The following HYCC1 variants were observed in gnomAD, a reference collection of about 807,000 sequenced individuals.
HYCC1 encodes hyccin PI4KA lipid kinase complex subunit 1.
At chr7:22,989,888 A>G in the HYCC1 span, among the ~76,000 whole-genome samples, 53,363 of 151,998 alleles carry the variant, frequency 0.35, 9,426 homozygotes, top group East Asian at 0.47. Flanking sequence ...AAAATGTCAT[A>G]ACAATCTCCT....
At chr7:22,995,724 T>G in the HYCC1 span, among the ~76,000 whole-genome samples, 1 of 152,276 alleles carries the variant, frequency 6.6e-6, no homozygotes, top group Admixed American at 6.5e-5. Flanking sequence ...CAGTAACAGA[T>G]GTAGACACTA....
At chr7:22,970,146 G>A in the HYCC1 span, among the ~76,000 whole-genome samples, 20 of 152,108 alleles carry the variant, frequency 1.3e-4, no homozygotes, top group African/African-American at 4.3e-4. Flanking sequence ...AAAATTCCAG[G>A]TTCTCTCATT....
At chr7:22,896,954 G>A in the HYCC1 span, among the ~76,000 whole-genome samples, 1 of 151,730 alleles carries the variant, frequency 6.6e-6, no homozygotes, top group African/African-American at 2.4e-5. Context: ...AACAATCAAT[G>A]GGAGAACAAA....
the HYCC1 span, among the ~76,000 whole-genome samples, chr7:22,973,284 T>G: frequency 1.4e-4 from 22 of 152,208 alleles, no homozygotes; most frequent in African/African-American, 5.3e-4. Context: ...AGGCTTAACA[T>G]GATTAACAAA....
chr7:22,904,447 T>G, the HYCC1 span, among the ~76,000 whole-genome samples: 1 of 145,660 alleles, frequency 6.9e-6, no homozygotes, highest in Admixed American at 6.9e-5. Flanking sequence ...AAAAAAAAAG[T>G]AATAATAATA....
the HYCC1 span, among the ~76,000 whole-genome samples, chr7:22,950,115 C>T: frequency 6.6e-6 from 1 of 152,044 alleles, no homozygotes; most frequent in African/African-American, 2.4e-5. Flanking sequence ...ACATTCCCAC[C>T]CACACTGTCT....
At chr7:22,952,530 A>C in the HYCC1 span, among the ~76,000 whole-genome samples, 1 of 152,012 alleles carries the variant, frequency 6.6e-6, no homozygotes, top group Non-Finnish European at 1.5e-5. Flanking sequence ...GTGAGGTCAA[A>C]GCAGTAGTCA....
At chr7:22,947,263 A>AT in the HYCC1 span, 1 of 1,543,832 alleles carries the variant, frequency 6.5e-7, no homozygotes, top group Non-Finnish European at 8.8e-7. Flanking sequence ...ATTGAAGATG[A>AT]TAAGACAAAA....
the HYCC1 span, among the ~76,000 whole-genome samples, chr7:22,956,397 A>G: frequency 6.6e-6 from 1 of 151,910 alleles, no homozygotes; most frequent in Non-Finnish European, 1.5e-5. Context: ...TGAAGTCATT[A>G]GAATTTTCTC....
At chr7:22,953,525 A>AT in the HYCC1 span, among the ~76,000 whole-genome samples, 3 of 151,902 alleles carry the variant, frequency 2.0e-5, no homozygotes, top group Non-Finnish European at 2.9e-5. Context: ...ATAAAATGAG[A>AT]TTTTTTGTTT....
the HYCC1 span, among the ~76,000 whole-genome samples, chr7:22,956,487 T>C: frequency 6.6e-6 from 1 of 151,842 alleles, no homozygotes. Context: ...TAACTTAAAC[T>C]GAAAAGTGGG....
chr7:22,997,571 T>C, the HYCC1 span, among the ~76,000 whole-genome samples: 4 of 152,182 alleles, frequency 2.6e-5, no homozygotes, highest in Admixed American at 6.5e-5. Context: ...ATGTTCAGAT[T>C]ATGTTACAGA....
the HYCC1 span, chr7:22,960,524 TCC>T: frequency 1.5e-5 from 13 of 851,480 alleles, no homozygotes; most frequent in East Asian, 3.3e-4. Flanking sequence ...AAGAGGCTCT[TCC>T]CAAGCATTTT....
At chr7:22,908,855 T>G in the HYCC1 span, among the ~76,000 whole-genome samples, 1 of 152,194 alleles carries the variant, frequency 6.6e-6, no homozygotes, top group Non-Finnish European at 1.5e-5. Context: ...TACTATGCAG[T>G]ATCAGCTTGA....
chr7:22,976,176 T>G, the HYCC1 span: 1 of 1,277,044 alleles, frequency 7.8e-7, no homozygotes, highest in Admixed American at 1.7e-5. Context: ...GATTCATATA[T>G]TTCAATATTA....
chr7:22,945,288 G>C, the HYCC1 span: 26 of 435,988 alleles, frequency 6.0e-5, no homozygotes, highest in Non-Finnish European at 9.2e-5. Flanking sequence ...TAACCAACTT[G>C]ATTAGACAAC....
At chr7:22,914,696 T>C in the HYCC1 span, among the ~76,000 whole-genome samples, 2 of 152,116 alleles carry the variant, frequency 1.3e-5, no homozygotes, top group South Asian at 4.1e-4. Flanking sequence ...CTTCTTTCTC[T>C]CCTGTTCCTT....
the HYCC1 span, among the ~76,000 whole-genome samples, chr7:22,963,420 T>C: frequency 1.3e-5 from 2 of 152,098 alleles, no homozygotes; most frequent in East Asian, 3.9e-4. Flanking sequence ...AGATGAAAAA[T>C]GCCTTCAGTG....
At chr7:22,958,022 AC>A in the HYCC1 span, among the ~76,000 whole-genome samples, 14 of 151,636 alleles carry the variant, frequency 9.2e-5, no homozygotes, top group Non-Finnish European at 1.3e-4. Context: ...TTATATATAA[AC>A]AAAATTAAAT....
Sources: gnomAD v4.1 joint callset for allele counts (sites outside exome capture counted in the v4.1 genomes callset) on GRCh38, gnomAD v4.1.1 for gene constraint, MANE v1.5 for transcripts, NCBI Gene and HGNC (gene_info 2026-07-23, HGNC 2026-07-21) for gene names.